EFCAB6: variants seen among roughly 807,000 people sequenced by gnomAD.
EFCAB6 encodes EF-hand calcium binding domain 6.
In EFCAB6, 156 loss-of-function variants were observed where a neutral mutation model predicts 169.8. The observed-to-expected ratio is 0.92, with a 90% CI of 0.81 to 1.05. EFCAB6 has a LOEUF of 1.05. EFCAB6 is among the 50% of genes least tolerant of loss of function. EFCAB6 has a pLI of 0.00. For synonymous variants in EFCAB6, 698 were observed against 676.4 expected, an observed-to-expected ratio of 1.03 and a Z score of -0.50; for missense variants, 1,800 against 1,829.1, an observed-to-expected ratio of 0.98 and a Z score of 0.29.
At chr22:43,796,117 T>C (rs930493134) in intron 2 of EFCAB6, among the ~76,000 whole-genome samples, 26 of 152,090 alleles carry the variant, frequency 1.7e-4, no homozygotes, top group Non-Finnish European at 2.8e-4. Context: ...TGAGTCTCTC[T>C]TTTTCCCACC....
intron 26 of EFCAB6, among the ~76,000 whole-genome samples, chr22:43,570,582 A>G (rs560724131): frequency 6.6e-6 from 1 of 151,150 alleles, no homozygotes; most frequent in East Asian, 2.0e-4. Context: ...ATCTCATGAG[A>G]AGGTGTGTGT....
intron 24 of EFCAB6, among the ~76,000 whole-genome samples, chr22:43,588,979 G>C (rs2051263373): frequency 6.6e-6 from 1 of 152,098 alleles, no homozygotes. Context: ...GTTTCCATGA[G>C]GTAACGGAGG....
chr22:43,643,042 C>A (rs1448726383), intron 17 of EFCAB6, among the ~76,000 whole-genome samples: 2 of 152,148 alleles, frequency 1.3e-5, no homozygotes, highest in South Asian at 2.1e-4. Flanking sequence ...GTGTCAAGAG[C>A]CAGAACTGGC....
At chr22:43,713,734 T>C (rs1245415597) in intron 9 of EFCAB6, among the ~76,000 whole-genome samples, 1 of 152,196 alleles carries the variant, frequency 6.6e-6, no homozygotes, top group East Asian at 1.9e-4. Flanking sequence ...AATCCAAATG[T>C]CCATCCATAG....
chr22:43,741,071 C>T (rs2060352112), intron 6 of EFCAB6, among the ~76,000 whole-genome samples: 1 of 152,142 alleles, frequency 6.6e-6, no homozygotes, highest in Admixed American at 6.5e-5. Flanking sequence ...TTATCAAAGG[C>T]AACAAAGTTA....
intron 6 of EFCAB6, among the ~76,000 whole-genome samples, chr22:43,741,040 T>A (rs537337414): frequency 1.3e-5 from 2 of 152,166 alleles, no homozygotes; most frequent in Non-Finnish European, 2.9e-5. Context: ...GGCTGAAGAA[T>A]TGAGCTGCAG....
intron 6 of EFCAB6, among the ~76,000 whole-genome samples, chr22:43,745,373 G>A (rs1423436595): frequency 1.3e-5 from 2 of 152,202 alleles, no homozygotes; most frequent in East Asian, 3.8e-4. Flanking sequence ...GCTTCTTCAT[G>A]CCACAGCATA....
chr22:43,666,935 C>T (rs1052466295), intron 17 of EFCAB6, among the ~76,000 whole-genome samples, 169 bp downstream of exon 17: 5 of 148,956 alleles, frequency 3.4e-5, no homozygotes, highest in African/African-American at 9.7e-5. Context: ...AAGAAATGTG[C>T]CAATGACAAT....
intron 20 of EFCAB6, among the ~76,000 whole-genome samples, chr22:43,619,529 C>G (rs372940873): frequency 6.6e-6 from 1 of 152,018 alleles, no homozygotes; most frequent in African/African-American, 2.4e-5. Flanking sequence ...TGTAAAGCAG[C>G]TATTATATTC....
intron 23 of EFCAB6, 139 bp downstream of exon 23, chr22:43,599,930 C>T (rs139694981): frequency 0.013 from 12,097 of 956,520 alleles, 125 homozygotes; most frequent in Non-Finnish European, 0.015. Flanking sequence ...TTTCTAGAAT[C>T]GACAACTGTG....
At chr22:43,683,982 CT>C in intron 11 of EFCAB6, 127 bp from the exon 12 acceptor site, 2 of 681,608 alleles carry the variant, frequency 2.9e-6, no homozygotes, top group Non-Finnish European at 5.1e-6. Context: ...GCTCTTTTTC[CT>C]GACAGTGTGC....
chr22:43,600,418 G>T (rs1192924854), intron 22 of EFCAB6, among the ~76,000 whole-genome samples, 155 bp from the exon 23 acceptor site: 1 of 152,128 alleles, frequency 6.6e-6, no homozygotes, highest in Non-Finnish European at 1.5e-5. Flanking sequence ...AATCAGCCCC[G>T]CCTGGCAGAG....
Position 43,731,713 on chromosome 22 carries a change from C to T in EFCAB6, c.743G>A (p.Cys248Tyr), listed in dbSNP as rs774247298. The change falls in exon 8 of 32, where the codon TGT becomes TAT. Residue 248 changes from cysteine (C) to tyrosine (Y), a missense_variant. Coordinates refer to ENST00000262726, the MANE Select transcript of EFCAB6 (RefSeq NM_022785.4). ...AAAATACTTACCTTGATTTCCCATA[C>T]AATATCTAAGGTTCAAGTCGTTATT... ...SINNDLNLRY[C>Y]MGNQEVSLEN... 2 of 1,584,928 alleles carry T rather than the reference C, an allele frequency of 1.3e-6. No individual in the cohort carries two copies. Among genetic ancestry groups the T allele is most frequent in the African/African-American group, 1.4e-5 (1 of 73,534 alleles).
In EFCAB6 at chr22:43,782,729, G is replaced by C. The variant is rs551689645; in HGVS notation, c.-7-404C>G. On this transcript the variant is annotated intron_variant, in intron 2 of 31. Coordinates refer to ENST00000262726, the MANE Select transcript of EFCAB6 (RefSeq NM_022785.4). ...GGATGACAGGAGCGAAACTGGTGGAGTAAGGACCTCCGAAAATCCTCTCCT... is the reference window on the plus strand; with the variant it reads ...GGATGACAGGAGCGAAACTGGTGGACTAAGGACCTCCGAAAATCCTCTCCT... 6.6e-5 allele frequency among the ~76,000 whole-genome samples: 10 copies of C among 152,290 alleles called. 1 individual carries two copies. In the South Asian group the frequency reaches 1.5e-3, roughly 22 times the overall value.
chr22:43,721,607 G>A (rs1418944203), intron 8 of EFCAB6, among the ~76,000 whole-genome samples: 5 of 152,082 alleles, frequency 3.3e-5, no homozygotes, highest in African/African-American at 4.8e-5. Flanking sequence ...TAAAACATCC[G>A]ATCTTTGACA....
At chr22:43,644,280 A>G (rs1718213068) in intron 17 of EFCAB6, among the ~76,000 whole-genome samples, 2 of 152,122 alleles carry the variant, frequency 1.3e-5, no homozygotes, top group South Asian at 2.1e-4. Context: ...GGAAAGCCAC[A>G]TATTAGTGGT....
chr22:43,568,768 T>C (rs865984827), intron 26 of EFCAB6, among the ~76,000 whole-genome samples: 17 of 152,292 alleles, frequency 1.1e-4, no homozygotes, highest in African/African-American at 4.1e-4. Context: ...ATCCCTGCCC[T>C]TGGGGACATG....
chr22:43,787,910 G>A (rs9968016), intron 2 of EFCAB6, among the ~76,000 whole-genome samples: 3,238 of 152,254 alleles, frequency 0.021, 122 homozygotes, highest in African/African-American at 0.074. Context: ...TGCACATATA[G>A]ATCAATGGAA....
intron 17 of EFCAB6, among the ~76,000 whole-genome samples, chr22:43,645,223 C>T (rs916890511): frequency 1.3e-5 from 2 of 152,210 alleles, no homozygotes; most frequent in African/African-American, 4.8e-5. Flanking sequence ...ACACCTCCTG[C>T]CTTTGTAGTT....
Sources: gnomAD v4.1 joint callset for allele counts (sites outside exome capture counted in the v4.1 genomes callset) on GRCh38, gnomAD v4.1.1 for gene constraint, MANE v1.5 for transcripts, NCBI Gene and HGNC (gene_info 2026-07-23, HGNC 2026-07-21) for gene names.